The following RBFOX2 variants were observed in gnomAD, a reference collection of about 807,000 sequenced individuals.
RBFOX2 encodes RNA binding fox-1 homolog 2.
Under a neutral mutation model 49.1 loss-of-function variants are expected in RBFOX2, and 10 were observed. The observed-to-expected ratio is 0.20, with a 90% CI of 0.13 to 0.35. The LOEUF (loss-of-function observed/expected upper bound fraction) is 0.35, where lower values mean the gene tolerates loss of function less well. Among genes scored for constraint, RBFOX2 ranks in the 10% least tolerant of loss-of-function variants. The pLI is 1.00. For missense variants in RBFOX2, 323 were observed against 486.9 expected (o/e 0.66, Z 3.17); for synonymous variants, 183 against 187.4 (o/e 0.98, Z 0.19).
chr22:36,002,746 C>T (rs2058476673), intron 1 of RBFOX2, among the ~76,000 whole-genome samples: 1 of 152,248 alleles, frequency 6.6e-6, no homozygotes, highest in Non-Finnish European at 1.5e-5. Context: ...GCTTCAGCTT[C>T]CTGAGTAGCT....
chr22:35,863,448 T>TA (rs1347819300), intron 1 of RBFOX2, among the ~76,000 whole-genome samples: 1 of 152,216 alleles, frequency 6.6e-6, no homozygotes, highest in African/African-American at 2.4e-5. Context: ...GCGTTCAAAA[T>TA]AAAAAGCTAA....
At chr22:35,785,256 T>C (rs938083929) in intron 2 of RBFOX2, among the ~76,000 whole-genome samples, 1 of 152,234 alleles carries the variant, frequency 6.6e-6, no homozygotes. Context: ...AAAGTTATGT[T>C]GAGAAAATTT....
chr22:35,860,297 C>T (rs182224145), intron 1 of RBFOX2, among the ~76,000 whole-genome samples: 54 of 152,218 alleles, frequency 3.5e-4, no homozygotes, highest in African/African-American at 9.9e-4. Context: ...GTGTGAAGGA[C>T]GAGAGCAAGT....
chr22:35,897,968 C>G (rs947706004), intron 1 of RBFOX2: 32 of 773,014 alleles, frequency 4.1e-5, no homozygotes, highest in Non-Finnish European at 7.1e-5. Context: ...GGAATCTTCA[C>G]AAAAACATCC....
At chr22:36,009,128 A>G (rs927698623) in intron 1 of RBFOX2, among the ~76,000 whole-genome samples, 4 of 152,340 alleles carry the variant, frequency 2.6e-5, no homozygotes, top group Admixed American at 2.6e-4. Context: ...AGTGAACACA[A>G]TAAATACTGA....
intron 1 of RBFOX2, among the ~76,000 whole-genome samples, chr22:35,836,863 G>A (rs142192656): frequency 3.8e-4 from 58 of 152,040 alleles, no homozygotes; most frequent in African/African-American, 1.4e-3. Context: ...TTTGTTTTTC[G>A]AATTTTACAC....
chr22:35,809,832 G>A (rs749314838), exon 2 of RBFOX2: 16 of 1,613,938 alleles, frequency 9.9e-6, no homozygotes, highest in Non-Finnish European at 1.3e-5. Context: ...CTCCCCGTGG[G>A]CTTGCGTACT....
At chr22:35,868,781 C>T (rs932407746) in intron 1 of RBFOX2, among the ~76,000 whole-genome samples, 10 of 152,140 alleles carry the variant, frequency 6.6e-5, no homozygotes, top group African/African-American at 2.4e-4. Context: ...TCATTAAATT[C>T]TCAAAGATGT....
chr22:36,026,796 A>C (rs1167682333), intron 1 of RBFOX2, among the ~76,000 whole-genome samples: 1 of 152,260 alleles, frequency 6.6e-6, no homozygotes, highest in Non-Finnish European at 1.5e-5. Flanking sequence ...CACTTTACCT[A>C]AATCAACAGA....
chr22:35,899,863 G>A (rs935092585), intron 1 of RBFOX2, among the ~76,000 whole-genome samples: 3 of 152,166 alleles, frequency 2.0e-5, no homozygotes, highest in Non-Finnish European at 4.4e-5. Context: ...GAGAGAATGT[G>A]TCCATTTGAG....
At chr22:35,785,058 C>T (rs1946109521) in intron 2 of RBFOX2, among the ~76,000 whole-genome samples, 1 of 152,054 alleles carries the variant, frequency 6.6e-6, no homozygotes, top group Admixed American at 6.6e-5. Flanking sequence ...AGTATAATAG[C>T]GAGATCAAAA....
intron 9 of RBFOX2, among the ~76,000 whole-genome samples, chr22:35,757,146 G>C (rs1048159138): frequency 6.6e-6 from 1 of 151,690 alleles, no homozygotes; most frequent in Non-Finnish European, 1.5e-5. Flanking sequence ...CATCTGAGAA[G>C]GTAGCTGGTT....
At chr22:35,798,151 T>C (rs943094048) in intron 2 of RBFOX2, among the ~76,000 whole-genome samples, 1 of 152,112 alleles carries the variant, frequency 6.6e-6, no homozygotes, top group African/African-American at 2.4e-5. Flanking sequence ...AATTTTGTAT[T>C]TTTAGTAGAG....
upstream of RBFOX2, among the ~76,000 whole-genome samples, chr22:35,941,969 C>T (rs1352797295): frequency 1.3e-5 from 2 of 152,188 alleles, no homozygotes; most frequent in African/African-American, 4.8e-5. Context: ...TTGAATTTTA[C>T]AGGCATGGAT....
At chr22:35,919,028 TGAA>T (rs1400761149) in intron 1 of RBFOX2, among the ~76,000 whole-genome samples, 1 of 152,148 alleles carries the variant, frequency 6.6e-6, no homozygotes, top group Non-Finnish European at 1.5e-5. Context: ...ATCCACATAA[TGAA>T]GTATTATTTA....
chr22:35,906,837 A>G (rs1228125380), intron 1 of RBFOX2, among the ~76,000 whole-genome samples: 2 of 151,922 alleles, frequency 1.3e-5, no homozygotes, highest in Non-Finnish European at 2.9e-5. Flanking sequence ...AAACAAACAA[A>G]AAACCAAAAA....
intron 9 of RBFOX2, chr22:35,750,567 A>C (rs1934523431): frequency 2.8e-6 from 2 of 723,384 alleles, no homozygotes; most frequent in Non-Finnish European, 4.9e-6. Flanking sequence ...TAGCTGGATA[A>C]ATTTGGCTTG....
intron 1 of RBFOX2, among the ~76,000 whole-genome samples, chr22:36,012,080 T>TG (rs1228338478): frequency 1.3e-5 from 2 of 152,120 alleles, no homozygotes; most frequent in African/African-American, 4.8e-5. Flanking sequence ...AACTTTGAGA[T>TG]GAAAAAAAGC....
Position 35,805,266 on chromosome 22 carries a change from GGCGACAGAGCGAGA to G in RBFOX2, c.252+4500_252+4513del, listed in dbSNP as rs1432141994. Among the ~76,000 whole-genome samples the G allele has an allele frequency of 8.8e-5, 13 of 147,570 alleles. No individual in the cohort carries two copies. In the East Asian group the frequency reaches 2.6e-3, roughly 29 times the overall value. On this transcript the variant is annotated intron_variant, in intron 2 of 11. Transcript: ENST00000405409. ...GATCGCGCCACTGCACTCCAGCCTGGGCGACAGAGCGAGACTCCGTCTCAAAAAAAAAAAAAAAA... is the reference window on the plus strand; with the variant it reads ...GATCGCGCCACTGCACTCCAGCCTGGCTCCGTCTCAAAAAAAAAAAAAAAA...
Sources: gnomAD v4.1 joint callset for allele counts (sites outside exome capture counted in the v4.1 genomes callset) on GRCh38, gnomAD v4.1.1 for gene constraint, MANE v1.5 for transcripts, NCBI Gene and HGNC (gene_info 2026-07-23, HGNC 2026-07-21) for gene names.